The following SCAI variants were observed in gnomAD, a reference collection of about 807,000 sequenced individuals.
SCAI encodes suppressor of cancer cell invasion.
A neutral mutation model predicts 92.2 loss-of-function variants in SCAI; 24 were observed. That is an observed-to-expected ratio of 0.26 (90% CI 0.19 to 0.37). SCAI has a LOEUF of 0.37. SCAI is among the 10% of genes least tolerant of loss of function. The probability of loss-of-function intolerance (pLI) is 1.00; values close to 1 mark genes in which losing one functional copy is unlikely to be tolerated. For synonymous variants in SCAI, 261 were observed against 258.6 expected (o/e 1.01, Z -0.09); for missense variants, 450 against 736.2 (o/e 0.61, Z 4.50).
rs1366557701 is a variant in SCAI, at chr9:124,945,259, A to G, written c.*7548T>C. ...GTTAAAGTAGTCTGATAACTATTAAAAAGAATTTTTTTTAGGCCGGCCACA... is the reference window on the plus strand; with the variant it reads ...GTTAAAGTAGTCTGATAACTATTAAGAAGAATTTTTTTTAGGCCGGCCACA... On this transcript the variant is annotated 3_prime_UTR_variant, in exon 18 of 18. Coordinates refer to ENST00000336505, the MANE Select transcript of SCAI (RefSeq NM_001144877.3). The G allele has an allele frequency of 1.3e-5, 2 of 152,214 alleles. No homozygotes were observed. Among genetic ancestry groups the G allele is most frequent in the Middle Eastern group, 3.2e-3 (1 of 316 alleles). The allele number at this position is 152,214 out of a possible 1,614,324, so 9.4% of individuals were successfully genotyped here. A position where few individuals can be genotyped will look rare whatever the true frequency, so the allele number is the denominator to read the frequency against.
chr9:125,135,971 C>CAAAAAAAAAAAAA (rs1359728011), intron 2 of SCAI, among the ~76,000 whole-genome samples: 1 of 81,100 alleles, frequency 1.2e-5, no homozygotes. Flanking sequence ...CCATCTCAAA[C>CAAAAAAAAAAAAA]AAAAAAAAAA....
intron 9 of SCAI, among the ~76,000 whole-genome samples, chr9:125,005,950 T>C (rs144415528): frequency 3.4e-4 from 52 of 152,262 alleles, no homozygotes; most frequent in Middle Eastern, 3.4e-3. Flanking sequence ...TCTCATGTGG[T>C]TTGAGAATCT....
intron 9 of SCAI, among the ~76,000 whole-genome samples, chr9:125,018,537 T>C (rs773406471): frequency 6.6e-6 from 1 of 152,228 alleles, no homozygotes; most frequent in African/African-American, 2.4e-5. Context: ...CATTCTAACA[T>C]ATATGAAATA....
At chr9:125,067,518 T>C (rs1444059149) in intron 2 of SCAI, among the ~76,000 whole-genome samples, 1 of 152,068 alleles carries the variant, frequency 6.6e-6, no homozygotes, top group Non-Finnish European at 1.5e-5. Context: ...ACGCCAAGGA[T>C]TGCTGGCAAC....
chr9:125,001,096 A>C (rs1229786900), intron 12 of SCAI, among the ~76,000 whole-genome samples: 1 of 152,246 alleles, frequency 6.6e-6, no homozygotes, highest in East Asian at 1.9e-4. Flanking sequence ...AAAGTAGTTT[A>C]AGATTTTACA....
At chr9:125,046,570 G>A (rs1391640061) in intron 3 of SCAI, among the ~76,000 whole-genome samples, 3 of 150,474 alleles carry the variant, frequency 2.0e-5, no homozygotes, top group African/African-American at 4.9e-5. Context: ...TAGGAGGGGC[G>A]TGAGGAACAA....
rs767771997 is a variant in SCAI at position 124,952,976 on chromosome 9, G to T, written c.1675-23C>A. ...TTCCTGGTAGGCAAAGAAGAGAAAA[G>T]TCAAGTTTTGTAGTCTAATGAAAGA... On this transcript the variant is annotated intron_variant, in intron 17 of 17. Transcript: ENST00000336505. The T allele has an allele frequency of 5.0e-6, 8 of 1,610,080 alleles. No homozygotes were observed. In the African/African-American group the frequency reaches 1.1e-4, roughly 22 times the overall value.
intron 14 of SCAI, among the ~76,000 whole-genome samples, chr9:124,992,229 T>C (rs1249067309): frequency 6.6e-6 from 1 of 151,358 alleles, no homozygotes; most frequent in Non-Finnish European, 1.5e-5. Flanking sequence ...ACAAATGCTT[T>C]TGTGGGAAAA....
intron 2 of SCAI, among the ~76,000 whole-genome samples, chr9:125,088,408 T>C (rs925377550): frequency 2.6e-5 from 4 of 152,128 alleles, no homozygotes; most frequent in Non-Finnish European, 5.9e-5. Flanking sequence ...GATTTGGTTG[T>C]TTAGAAGTGT....
intron 14 of SCAI, among the ~76,000 whole-genome samples, chr9:124,988,449 A>T (rs1279253057): frequency 1.3e-5 from 2 of 152,168 alleles, no homozygotes; most frequent in Non-Finnish European, 2.9e-5. Context: ...ATGATCACTG[A>T]TATTCTCAAA....
chr9:125,123,903 A>G (rs1486681824), intron 2 of SCAI, among the ~76,000 whole-genome samples: 1 of 152,264 alleles, frequency 6.6e-6, no homozygotes, highest in African/African-American at 2.4e-5. Flanking sequence ...ACTGTCAAAC[A>G]GGCACACATG....
At chr9:125,042,844 A>G (rs983398295) in intron 3 of SCAI, among the ~76,000 whole-genome samples, 1 of 116,152 alleles carries the variant, frequency 8.6e-6, no homozygotes, top group African/African-American at 3.3e-5. Context: ...CTGGGACCAC[A>G]TTCTGCTCCC....
chr9:124,976,266 T>C, intron 14 of SCAI, 80 bp from the exon 15 acceptor site: 1 of 1,005,442 alleles, frequency 9.9e-7, no homozygotes, highest in Non-Finnish European at 1.6e-6. Flanking sequence ...AAGCATATTT[T>C]TAGTGTATAG....
At chr9:124,957,699 A>G (rs1298938053) in intron 17 of SCAI, among the ~76,000 whole-genome samples, 2 of 127,904 alleles carry the variant, frequency 1.6e-5, no homozygotes, top group African/African-American at 3.0e-5. Context: ...TTTTTTTTAA[A>G]AAGACGGAGT....
chr9:125,065,764 G>C (rs549915721), intron 2 of SCAI, among the ~76,000 whole-genome samples: 2 of 152,302 alleles, frequency 1.3e-5, no homozygotes, highest in South Asian at 4.1e-4. Flanking sequence ...GGAATGTAAA[G>C]TTGGTTTGAT....
intron 6 of SCAI, among the ~76,000 whole-genome samples, chr9:125,024,242 G>A (rs1832923984): frequency 6.6e-6 from 1 of 151,128 alleles, no homozygotes; most frequent in Non-Finnish European, 1.5e-5. Context: ...TGTCCAGTGG[G>A]AAATATGAAT....
chr9:125,013,962 T>C (rs2131061997), intron 9 of SCAI, among the ~76,000 whole-genome samples: 1 of 152,206 alleles, frequency 6.6e-6, no homozygotes, highest in East Asian at 1.9e-4. Flanking sequence ...AGAAAAGGCC[T>C]TTGACAAAAT....
At chr9:124,959,365 C>T (rs1261178668) in intron 17 of SCAI, among the ~76,000 whole-genome samples, 1 of 149,392 alleles carries the variant, frequency 6.7e-6, no homozygotes, top group Non-Finnish European at 1.5e-5. Flanking sequence ...ATTTAAAAGT[C>T]TGACAACAAT....
intron 2 of SCAI, among the ~76,000 whole-genome samples, chr9:125,108,008 T>G (rs574767815): frequency 6.6e-6 from 1 of 152,220 alleles, no homozygotes; most frequent in Non-Finnish European, 1.5e-5. Context: ...GTTTTCGTAT[T>G]TTTTTGGTGG....
Sources: allele counts gnomAD v4.1 joint callset (sites outside exome capture counted in the v4.1 genomes callset), GRCh38; gene constraint gnomAD v4.1.1; transcripts MANE v1.5; gene names NCBI Gene and HGNC (gene_info 2026-07-23, HGNC 2026-07-21).